The following GUCY1A2 variants were observed in gnomAD, a reference collection of about 807,000 sequenced individuals.
The protein encoded by GUCY1A2 is guanylate cyclase soluble subunit alpha-2.
In GUCY1A2, 27 loss-of-function variants were observed where a neutral mutation model predicts 63.5. The observed-to-expected ratio is 0.43, with a 90% CI of 0.31 to 0.59. The LOEUF (loss-of-function observed/expected upper bound fraction) is 0.59, where lower values mean the gene tolerates loss of function less well. Ranked by LOEUF, GUCY1A2 falls within the 20% of genes least tolerant of loss-of-function variation. GUCY1A2 has a pLI of 0.11. For synonymous variants in GUCY1A2, 364 were observed against 343.5 expected (o/e 1.06, Z -0.66); for missense variants, 768 against 913.3 (o/e 0.84, Z 2.05).
rs1240506077 is a variant in GUCY1A2, at chr11:106,684,137, T to C, written c.*3412A>G. On this transcript the variant is annotated 3_prime_UTR_variant, in exon 8 of 8. Transcript: ENST00000526355. ...TACTGTGTCCTGACACCGTTGTTAC[T>C]GGACAAGAGGAAGGAGTGCAAGACT... 1 of 184,272 alleles carries C rather than the reference T, an allele frequency of 5.4e-6. No individual in the cohort carries two copies. Among genetic ancestry groups the C allele is most frequent in the Non-Finnish European group, 1.2e-5 (1 of 86,810 alleles). 11.4% of individuals were successfully genotyped at this position (184,272 alleles called of 1,614,324 possible).
chr11:107,002,807 C>A (rs566284237), intron 1 of GUCY1A2, among the ~76,000 whole-genome samples: 9 of 152,188 alleles, frequency 5.9e-5, no homozygotes, highest in African/African-American at 2.2e-4. Context: ...GCTAGATATA[C>A]AAAATTACTG....
chr11:106,822,240 C>T (rs961842820), intron 4 of GUCY1A2, among the ~76,000 whole-genome samples: 5 of 152,112 alleles, frequency 3.3e-5, no homozygotes, highest in African/African-American at 9.7e-5. Context: ...CAAGACTTAT[C>T]TTTTTACATT....
chr11:106,797,787 T>C (rs1462371259), intron 5 of GUCY1A2, among the ~76,000 whole-genome samples: 2 of 152,190 alleles, frequency 1.3e-5, no homozygotes, highest in African/African-American at 4.8e-5. Context: ...GGGAAATTTA[T>C]AGCACTAAAT....
chr11:106,841,106 T>A (rs967662953), intron 4 of GUCY1A2, among the ~76,000 whole-genome samples: 1 of 151,842 alleles, frequency 6.6e-6, no homozygotes, highest in Non-Finnish European at 1.5e-5. Context: ...TTTCACTTTG[T>A]TAAATATGCC....
chr11:106,789,241 T>C (rs967629916), intron 5 of GUCY1A2, among the ~76,000 whole-genome samples: 2 of 152,208 alleles, frequency 1.3e-5, no homozygotes, highest in African/African-American at 4.8e-5. Flanking sequence ...CACTAATTCT[T>C]TCTTCGGCTT....
chr11:106,975,257 A>C (rs1300679929), intron 3 of GUCY1A2, among the ~76,000 whole-genome samples: 1 of 152,196 alleles, frequency 6.6e-6, no homozygotes, highest in Non-Finnish European at 1.5e-5. Flanking sequence ...ACATTTCAGC[A>C]GAAAACATGG....
intron 6 of GUCY1A2, among the ~76,000 whole-genome samples, chr11:106,767,316 T>C (rs1454683808): frequency 6.6e-6 from 1 of 152,136 alleles, no homozygotes; most frequent in Non-Finnish European, 1.5e-5. Context: ...GTGCTTTGCA[T>C]GCACAGTTTC....
chr11:106,796,454 CT>C (rs764113585), intron 5 of GUCY1A2, among the ~76,000 whole-genome samples: 1 of 152,134 alleles, frequency 6.6e-6, no homozygotes, highest in Non-Finnish European at 1.5e-5. Flanking sequence ...ACAGCTGTTC[CT>C]TTCCATGTTT....
At chr11:106,914,655 A>T (rs996947345) in intron 4 of GUCY1A2, among the ~76,000 whole-genome samples, 3 of 151,940 alleles carry the variant, frequency 2.0e-5, no homozygotes, top group African/African-American at 7.2e-5. Flanking sequence ...TAAATATATT[A>T]AAAATTGAAA....
At chr11:106,736,115 G>A (rs1407293118) in intron 6 of GUCY1A2, among the ~76,000 whole-genome samples, 2 of 151,882 alleles carry the variant, frequency 1.3e-5, no homozygotes, top group Non-Finnish European at 2.9e-5. Context: ...TTCCTTTGAT[G>A]TACAGAAGCT....
chr11:106,747,286 C>A (rs1174332785), intron 6 of GUCY1A2, among the ~76,000 whole-genome samples: 1 of 144,822 alleles, frequency 6.9e-6, no homozygotes, highest in East Asian at 2.0e-4. Flanking sequence ...CCGCGCCCGG[C>A]CCATGAAATA....
At chr11:106,827,576 A>G (rs1272291654) in intron 4 of GUCY1A2, 6 of 1,450,630 alleles carry the variant, frequency 4.1e-6, no homozygotes, top group Non-Finnish European at 4.8e-6. Flanking sequence ...TCTTATATAC[A>G]TGCTGATTGC....
At chr11:106,747,638 G>T (rs188085734) in intron 6 of GUCY1A2, among the ~76,000 whole-genome samples, 1 of 152,174 alleles carries the variant, frequency 6.6e-6, no homozygotes, top group Non-Finnish European at 1.5e-5. Flanking sequence ...CCCTTTTGGG[G>T]TTTATTCTCC....
intron 5 of GUCY1A2, among the ~76,000 whole-genome samples, chr11:106,799,386 G>GA (rs1345831991): frequency 2.0e-5 from 3 of 152,034 alleles, no homozygotes; most frequent in African/African-American, 7.2e-5. Flanking sequence ...CACAGAATTG[G>GA]AAAAAACTAC....
chr11:106,774,400 G>A (rs1299032730), intron 6 of GUCY1A2, among the ~76,000 whole-genome samples: 1 of 152,186 alleles, frequency 6.6e-6, no homozygotes, highest in Admixed American at 6.5e-5. Flanking sequence ...TAAGTGCTGG[G>A]ATTACAGACG....
intron 7 of GUCY1A2, among the ~76,000 whole-genome samples, chr11:106,704,631 CA>C (rs1012643161): frequency 1.3e-5 from 2 of 151,980 alleles, no homozygotes; most frequent in African/African-American, 4.8e-5. Flanking sequence ...ATGAGAAAAG[CA>C]AAAATGTTTA....
intron 6 of GUCY1A2, among the ~76,000 whole-genome samples, chr11:106,726,105 C>G (rs1389752319): frequency 6.6e-6 from 1 of 152,156 alleles, no homozygotes; most frequent in African/African-American, 2.4e-5. Flanking sequence ...CATCCTCCCA[C>G]AGTGCCTGAC....
intron 6 of GUCY1A2, chr11:106,746,707 AC>A: frequency 1.1e-6 from 1 of 884,926 alleles, no homozygotes; most frequent in Non-Finnish European, 1.8e-6. Context: ...CAGTACTGTG[AC>A]ATTTTTTATT....
intron 3 of GUCY1A2, among the ~76,000 whole-genome samples, chr11:106,965,127 C>T (rs539983028): frequency 4.0e-5 from 6 of 151,696 alleles, no homozygotes; most frequent in African/African-American, 7.3e-5. Flanking sequence ...AGATGTGTCA[C>T]AATTACCACT....
Sources: gnomAD v4.1 joint callset for allele counts (sites outside exome capture counted in the v4.1 genomes callset) on GRCh38, gnomAD v4.1.1 for gene constraint, MANE v1.5 for transcripts, NCBI Gene and HGNC (gene_info 2026-07-23, HGNC 2026-07-21) for gene names.